ERBIN: variants seen among roughly 807,000 people sequenced by gnomAD.
The protein encoded by ERBIN is erbb2 interacting protein.
Under a neutral mutation model 158.4 loss-of-function variants are expected in ERBIN, and 60 were observed. The ratio of observed to expected loss-of-function variants is 0.38; its 90% CI spans 0.31 to 0.47. The LOEUF (loss-of-function observed/expected upper bound fraction) is 0.47, where lower values mean the gene tolerates loss of function less well. Among genes scored for constraint, ERBIN ranks in the 20% least tolerant of loss-of-function variants. The pLI is 0.99. For synonymous variants in ERBIN, 594 were observed against 557.2 expected (o/e 1.07, Z -0.93); for missense variants, 1,610 against 1,648.0 (o/e 0.98, Z 0.40).
intron 20 of ERBIN, among the ~76,000 whole-genome samples, chr5:66,052,841 T>C (rs77816382): frequency 8.5e-5 from 13 of 152,310 alleles, no homozygotes; most frequent in African/African-American, 3.1e-4. Flanking sequence ...CTTTTACATA[T>C]TTGATGTTAA....
intron 14 of ERBIN, among the ~76,000 whole-genome samples, chr5:66,032,747 A>G (rs1277604329): frequency 6.6e-6 from 1 of 152,184 alleles, no homozygotes; most frequent in Non-Finnish European, 1.5e-5. Context: ...GCCTTGAACT[A>G]AAGTAATGAA....
intron 18 of ERBIN, among the ~76,000 whole-genome samples, chr5:66,046,832 C>T (rs1469807636): frequency 6.6e-6 from 1 of 152,052 alleles, no homozygotes; most frequent in Non-Finnish European, 1.5e-5. Flanking sequence ...TAGGCATACC[C>T]AATTATTTAA....
At chr5:65,942,302 G>T (rs73762515) in intron 1 of ERBIN, among the ~76,000 whole-genome samples, 6,108 of 151,798 alleles carry the variant, frequency 0.04, 417 homozygotes, top group African/African-American at 0.14. Flanking sequence ...GGTTTTTTTT[G>T]CTTATTATAC....
intron 1 of ERBIN, among the ~76,000 whole-genome samples, chr5:65,940,171 A>T (rs367553781): frequency 8.1e-6 from 1 of 123,344 alleles, no homozygotes; most frequent in East Asian, 2.6e-4. Flanking sequence ...CCCATCGTCT[A>T]AGATGTGGGG....
chr5:66,056,855 A>G (rs1759634848), intron 21 of ERBIN, among the ~76,000 whole-genome samples: 1 of 152,100 alleles, frequency 6.6e-6, no homozygotes, highest in Non-Finnish European at 1.5e-5. Context: ...AGTATCTTCT[A>G]GCTCATCAGT....
At chr5:65,957,507 A>G (rs185021304) in intron 1 of ERBIN, among the ~76,000 whole-genome samples, 4 of 152,190 alleles carry the variant, frequency 2.6e-5, no homozygotes, top group South Asian at 2.1e-4. Flanking sequence ...TAGACACAGC[A>G]CGTTTCAGAG....
intron 15 of ERBIN, among the ~76,000 whole-genome samples, chr5:66,042,534 C>A (rs1580442076): frequency 6.6e-6 from 1 of 152,074 alleles, no homozygotes; most frequent in East Asian, 1.9e-4. Flanking sequence ...AGTGCTGACA[C>A]AATGCTCAAA....
chr5:66,014,845 G>A, intron 7 of ERBIN, 120 bp downstream of exon 7: 1 of 515,804 alleles, frequency 1.9e-6, no homozygotes, highest in Non-Finnish European at 3.4e-6. Context: ...TCCTGACTGT[G>A]TGGTCATCAT....
intron 1 of ERBIN, among the ~76,000 whole-genome samples, chr5:65,980,658 A>G (rs1750552975): frequency 6.6e-6 from 1 of 152,148 alleles, no homozygotes; most frequent in African/African-American, 2.4e-5. Context: ...ACACTAATCA[A>G]GAGAAAGCTC....
At chr5:66,051,669 A>G (rs1480605021) in intron 20 of ERBIN, among the ~76,000 whole-genome samples, 1 of 152,110 alleles carries the variant, frequency 6.6e-6, no homozygotes, top group Admixed American at 6.5e-5. Flanking sequence ...CGGCAGGTGG[A>G]TGGCTTGAGC....
intron 21 of ERBIN, among the ~76,000 whole-genome samples, chr5:66,062,003 A>C (rs1409686368): frequency 6.6e-6 from 1 of 152,148 alleles, no homozygotes; most frequent in Admixed American, 6.5e-5. Flanking sequence ...AACTTTGGTG[A>C]ATCTGACAAT....
chr5:65,961,312 A>G (rs938964964), intron 1 of ERBIN: 3 of 152,180 alleles, frequency 2.0e-5, no homozygotes, highest in African/African-American at 7.2e-5. Context: ...TTGGTTGATA[A>G]AATGTGACTT....
intron 22 of ERBIN, among the ~76,000 whole-genome samples, chr5:66,073,965 A>G (rs958475919): frequency 5.9e-5 from 9 of 151,912 alleles, no homozygotes; most frequent in Non-Finnish European, 1.0e-4. Flanking sequence ...TGCAGCCTCA[A>G]ACTACTGGGC....
intron 12 of ERBIN, 109 bp downstream of exon 12, chr5:66,026,086 C>T: frequency 9.9e-7 from 1 of 1,009,918 alleles, no homozygotes; most frequent in Non-Finnish European, 1.4e-6. Context: ...AAATAGTTTT[C>T]AAGTTATTTA....
intron 1 of ERBIN, among the ~76,000 whole-genome samples, chr5:65,957,690 C>T (rs1390489064): frequency 3.3e-5 from 5 of 152,242 alleles, no homozygotes; most frequent in East Asian, 1.9e-4. Context: ...TCGACAAAAC[C>T]GCCATCGTCA....
In ERBIN at chr5:66,054,713, A is replaced by G; in HGVS notation, c.3395A>G (p.Tyr1132Cys). ...GSQRPLSART[Y>C]SIDGPNASRP... ...CAGAGACCCCTTTCTGCACGAACAT[A>G]CAGCATAGATGGTCCAAATGCATCA... Residue 1132 changes from tyrosine (Y) to cysteine (C), a missense_variant, in exon 21 of 26, where the codon TAC (tyrosine) becomes TGC (cysteine). By Grantham distance (194) the Tyr-to-Cys change is radical. Coordinates refer to ENST00000284037, the MANE Select transcript of ERBIN (RefSeq NM_001253697.2). 6.8e-6 allele frequency: 11 copies of G among 1,614,164 alleles called. No homozygotes were observed. The highest frequency in any genetic ancestry group is 9.3e-6 in the Non-Finnish European group (11 of 1,180,006).
intron 1 of ERBIN, among the ~76,000 whole-genome samples, chr5:65,980,114 C>A (rs1750487044): frequency 6.6e-6 from 1 of 152,086 alleles, no homozygotes; most frequent in Non-Finnish European, 1.5e-5. Context: ...GAACAAAGAA[C>A]AAATAGAAAA....
chr5:66,018,999 C>A (rs1237706079), intron 7 of ERBIN, among the ~76,000 whole-genome samples: 1 of 152,052 alleles, frequency 6.6e-6, no homozygotes, highest in Non-Finnish European at 1.5e-5. Flanking sequence ...AGATTGTTTG[C>A]TGTTGGCATA....
intron 25 of ERBIN, 123 bp downstream of exon 25, chr5:66,077,072 A>G: frequency 4.7e-6 from 3 of 634,794 alleles, no homozygotes; most frequent in Non-Finnish European, 7.8e-6. Flanking sequence ...AATGGCGTGA[A>G]CCCGGGAGGC....
Sources: gnomAD v4.1 joint callset for allele counts (sites outside exome capture counted in the v4.1 genomes callset) on GRCh38, gnomAD v4.1.1 for gene constraint, MANE v1.5 for transcripts, NCBI Gene and HGNC (gene_info 2026-07-23, HGNC 2026-07-21) for gene names.